PVT1: variants seen among roughly 807,000 people sequenced by gnomAD.
PVT1 encodes Pvt1 oncogene, also known as CXCR4/PVT1 fusion.
At chr8:127,837,300 C>A (rs1814919926) in intron 2 of PVT1, among the ~76,000 whole-genome samples, 1 of 151,978 alleles carries the variant, frequency 6.6e-6, no homozygotes, top group Admixed American at 6.5e-5. Flanking sequence ...AGGCTTCATG[C>A]AACACCTTTC....
At chr8:127,975,704 C>T (rs1816816233) in intron 3 of PVT1, among the ~76,000 whole-genome samples, 4 of 152,158 alleles carry the variant, frequency 2.6e-5, no homozygotes, top group Non-Finnish European at 5.9e-5. Flanking sequence ...TAACAGTTGT[C>T]CCCCTAGATT....
chr8:128,100,193 G>A (rs1288689361), intron 6 of PVT1, among the ~76,000 whole-genome samples: 4 of 122,228 alleles, frequency 3.3e-5, no homozygotes, highest in South Asian at 5.5e-4. Flanking sequence ...CCTCCTTCCC[G>A]AAACAAATGC....
intron 5 of PVT1, among the ~76,000 whole-genome samples, chr8:128,080,360 G>A (rs759439809): frequency 6.6e-6 from 1 of 152,194 alleles, no homozygotes; most frequent in Non-Finnish European, 1.5e-5. Context: ...CACCAACAAT[G>A]AGAGTCCCTG....
chr8:128,011,354 C>T (rs1013816766), intron 4 of PVT1, among the ~76,000 whole-genome samples: 1 of 151,962 alleles, frequency 6.6e-6, no homozygotes, highest in Non-Finnish European at 1.5e-5. Context: ...AAGAAGTGGA[C>T]CTTTGGGAGA....
At chr8:127,799,631 G>C (rs1177383717) in intron 2 of PVT1, among the ~76,000 whole-genome samples, 1 of 126,880 alleles carries the variant, frequency 7.9e-6, no homozygotes, top group Non-Finnish European at 1.7e-5. Flanking sequence ...GGTTACTTTT[G>C]GGCAAGTTAC....
chr8:128,015,651 TAG>T (rs1367870013), intron 4 of PVT1, among the ~76,000 whole-genome samples: 1 of 151,756 alleles, frequency 6.6e-6, no homozygotes, highest in African/African-American at 2.4e-5. Context: ...CATGCGCCTG[TAG>T]ATTCAGCTAT....
chr8:127,845,153 G>T (rs530965472), intron 2 of PVT1, among the ~76,000 whole-genome samples: 4 of 152,286 alleles, frequency 2.6e-5, no homozygotes, highest in South Asian at 4.2e-4. Flanking sequence ...CCTTTGCAGG[G>T]TATAAAATCT....
intron 3 of PVT1, among the ~76,000 whole-genome samples, chr8:127,935,342 T>G (rs1486224502): frequency 6.6e-6 from 1 of 152,090 alleles, no homozygotes; most frequent in Non-Finnish European, 1.5e-5. Flanking sequence ...TGGCTGGCTC[T>G]ACACAGCAGC....
In PVT1 at chr8:127,892,346, A is replaced by G. The variant is rs115920885; in HGVS notation, n.782+1348A>G. Among the ~76,000 whole-genome samples, 941 of 152,346 alleles carry G rather than the reference A, an allele frequency of 6.2e-3. 7 individuals are homozygous for G. Among genetic ancestry groups the G allele is most frequent in the Middle Eastern group, 0.024 (7 of 294 alleles). On this transcript the variant is annotated intron_variant and non_coding_transcript_variant, in intron 3 of 10. Transcript: ENST00000651587. ...TTGAGGAAATGCATTTGCCTTGCACACAGGCTAGACACATACATAGTAGGC... is the reference window on the plus strand; with the variant it reads ...TTGAGGAAATGCATTTGCCTTGCACGCAGGCTAGACACATACATAGTAGGC...
intron 2 of PVT1, among the ~76,000 whole-genome samples, chr8:127,863,433 A>G (rs996098139): frequency 6.6e-6 from 1 of 152,154 alleles, no homozygotes; most frequent in African/African-American, 2.4e-5. Flanking sequence ...TAATGTTCTC[A>G]GGTGAGTGGC....
intron 6 of PVT1, among the ~76,000 whole-genome samples, chr8:128,099,187 G>A (rs114561259): frequency 9.0e-4 from 137 of 152,284 alleles, no homozygotes; most frequent in Middle Eastern, 3.4e-3. Flanking sequence ...GGCGACATGC[G>A]GGTCACGTGA....
intron 3 of PVT1, among the ~76,000 whole-genome samples, chr8:127,988,891 C>G (rs998220465): frequency 6.6e-6 from 1 of 152,158 alleles, no homozygotes; most frequent in Admixed American, 6.5e-5. Flanking sequence ...AAGACCCAAC[C>G]ATCACTTCTG....
chr8:128,099,313 A>G (rs959252514), intron 6 of PVT1: 1 of 152,272 alleles, frequency 6.6e-6, no homozygotes, highest in African/African-American at 2.4e-5. Context: ...TCTAGGTCAA[A>G]GCCAGGCGGG....
Position 128,028,569 on chromosome 8 carries a change from C to T in PVT1, n.912+39278C>T, listed in dbSNP as rs72720885. ...GCTTTGGCTTCAGATGAGTGTCGAG[C>T]GCCTCACTCTGCCATCTCTAGCTAG... On this transcript the variant is annotated intron_variant and non_coding_transcript_variant, in intron 4 of 10. Transcript: ENST00000651587. 5.8e-3 allele frequency among the ~76,000 whole-genome samples: 881 copies of T among 152,278 alleles called. 15 individuals are homozygous for T. The East Asian group carries it at 0.076, about 13-fold the overall frequency.
intron 4 of PVT1, among the ~76,000 whole-genome samples, chr8:127,989,708 CA>C (rs934651072): frequency 2.6e-5 from 4 of 152,170 alleles, no homozygotes; most frequent in African/African-American, 7.2e-5. Flanking sequence ...CTTTCCCAGC[CA>C]ATCCGTGCTT....
chr8:127,864,390 TGCCGTCA>T (rs1815261640), intron 2 of PVT1, among the ~76,000 whole-genome samples: 1 of 152,144 alleles, frequency 6.6e-6, no homozygotes, highest in Admixed American at 6.5e-5. Context: ...TAATGAGGCC[TGCCGTCA>T]GGGTTTGTGG....
intron 3 of PVT1, among the ~76,000 whole-genome samples, chr8:127,975,781 C>T (rs1208914944): frequency 1.3e-5 from 2 of 152,166 alleles, no homozygotes; most frequent in African/African-American, 2.4e-5. Flanking sequence ...AACTATTTTT[C>T]GGTTTCCTAG....
chr8:127,953,512 A>G (rs1468300398), intron 3 of PVT1, among the ~76,000 whole-genome samples: 1 of 152,268 alleles, frequency 6.6e-6, no homozygotes, highest in Non-Finnish European at 1.5e-5. Context: ...TTAGTATTAT[A>G]GTAACGTTTA....
At chr8:127,942,343 T>G (rs11784660) in intron 3 of PVT1, among the ~76,000 whole-genome samples, 1,952 of 152,320 alleles carry the variant, frequency 0.013, 11 homozygotes, top group Middle Eastern at 0.031. Context: ...CTGCCTGTGA[T>G]GACAGGAAAG....
Sources: gnomAD v4.1 joint callset for allele counts (sites outside exome capture counted in the v4.1 genomes callset) on GRCh38, gnomAD v4.1.1 for gene constraint, MANE v1.5 for transcripts, NCBI Gene and HGNC (gene_info 2026-07-23, HGNC 2026-07-21) for gene names.